Variants in SMYD3 observed in about 807,000 individuals in gnomAD.
SMYD3 encodes SET and MYND domain containing 3.
In SMYD3, 36 loss-of-function variants were observed where a neutral mutation model predicts 57.7. The ratio of observed to expected loss-of-function variants is 0.62; its 90% CI spans 0.48 to 0.82. The LOEUF is 0.82. SMYD3 is among the 40% of genes least tolerant of loss of function. SMYD3 has a pLI of 0.00. For synonymous variants in SMYD3, 211 were observed against 195.0 expected, an observed-to-expected ratio of 1.08 and a Z score of -0.68; for missense variants, 515 against 538.8, an observed-to-expected ratio of 0.96 and a Z score of 0.44.
intron 10 of SMYD3, among the ~76,000 whole-genome samples, chr1:245,831,946 T>C (rs1027539694): frequency 7.2e-5 from 11 of 152,216 alleles, no homozygotes; most frequent in Non-Finnish European, 4.4e-5. Flanking sequence ...AGAGTACAGT[T>C]TGTTTTTTCT....
chr1:246,071,932 T>G (rs2060456692), intron 5 of SMYD3, among the ~76,000 whole-genome samples: 1 of 140,084 alleles, frequency 7.1e-6, no homozygotes, highest in Non-Finnish European at 1.6e-5. Context: ...CTTTCCACTG[T>G]GCTCACTGTG....
chr1:246,166,513 G>C (rs2062215073), intron 5 of SMYD3, among the ~76,000 whole-genome samples: 1 of 152,128 alleles, frequency 6.6e-6, no homozygotes, highest in Non-Finnish European at 1.5e-5. Context: ...CTGAGTGTCT[G>C]CTAAATCAAC....
chr1:246,358,617 C>T (rs563032514), intron 1 of SMYD3, among the ~76,000 whole-genome samples: 11 of 152,274 alleles, frequency 7.2e-5, no homozygotes, highest in Non-Finnish European at 1.6e-4. Flanking sequence ...CAAGTACTCT[C>T]TCAGACCACA....
At chr1:246,172,619 G>C (rs1183663495) in intron 5 of SMYD3, among the ~76,000 whole-genome samples, 1 of 143,972 alleles carries the variant, frequency 6.9e-6, no homozygotes. Context: ...ACACACTTAG[G>C]CTACACAGGC....
chr1:246,237,689 G>A (rs1316020235), intron 5 of SMYD3, among the ~76,000 whole-genome samples: 1 of 152,176 alleles, frequency 6.6e-6, no homozygotes, highest in Non-Finnish European at 1.5e-5. Flanking sequence ...AAGCTGAAGT[G>A]AGAATAGCCT....
intron 1 of SMYD3, among the ~76,000 whole-genome samples, chr1:246,412,468 G>GA (rs1343788443): frequency 6.6e-6 from 1 of 151,300 alleles, no homozygotes; most frequent in Admixed American, 6.6e-5. Context: ...TTCAGCCATT[G>GA]AAAAAAATAG....
intron 2 of SMYD3, among the ~76,000 whole-genome samples, chr1:246,346,146 T>C (rs966329640): frequency 6.6e-6 from 1 of 152,072 alleles, no homozygotes; most frequent in Non-Finnish European, 1.5e-5. Context: ...TAGCCGGGCG[T>C]GGTGGCGGGC....
intron 5 of SMYD3, among the ~76,000 whole-genome samples, chr1:246,105,741 A>G (rs2061106383): frequency 6.6e-6 from 1 of 152,242 alleles, no homozygotes; most frequent in Non-Finnish European, 1.5e-5. Context: ...ACACACAGAG[A>G]AAAGAAATGC....
chr1:245,759,490 C>T (rs2045750946), intron 11 of SMYD3, among the ~76,000 whole-genome samples: 1 of 152,160 alleles, frequency 6.6e-6, no homozygotes, highest in African/African-American at 2.4e-5. Context: ...TAGTCAGTGG[C>T]CCTCATCAGA....
chr1:246,387,560 G>T (rs1047826684), intron 1 of SMYD3, among the ~76,000 whole-genome samples: 3 of 152,118 alleles, frequency 2.0e-5, no homozygotes, highest in Non-Finnish European at 2.9e-5. Context: ...TTACAGTCTA[G>T]CATAAGGACA....
At chr1:245,836,119 C>A (rs1464751827) in intron 10 of SMYD3, among the ~76,000 whole-genome samples, 1 of 152,116 alleles carries the variant, frequency 6.6e-6, no homozygotes. Flanking sequence ...TTGGCAAAAA[C>A]GAATCATTGG....
chr1:246,275,157 G>A (rs1489375401), intron 5 of SMYD3, among the ~76,000 whole-genome samples: 1 of 152,162 alleles, frequency 6.6e-6, no homozygotes, highest in African/African-American at 2.4e-5. Context: ...GCAAGAGCAG[G>A]GGCAGGCAAC....
intron 5 of SMYD3, among the ~76,000 whole-genome samples, chr1:246,288,983 C>T (rs1017667649): frequency 2.0e-5 from 3 of 151,908 alleles, no homozygotes; most frequent in Non-Finnish European, 2.9e-5. Flanking sequence ...GGTGTGGTGG[C>T]GGGCACCTGT....
At chr1:246,031,610 G>T (rs1016642066) in intron 5 of SMYD3, among the ~76,000 whole-genome samples, 1 of 151,962 alleles carries the variant, frequency 6.6e-6, no homozygotes, top group Non-Finnish European at 1.5e-5. Context: ...GGTGGCGGGC[G>T]CCTGTAGTCC....
chr1:245,823,512 T>C (rs2049300938), intron 10 of SMYD3, among the ~76,000 whole-genome samples: 1 of 152,186 alleles, frequency 6.6e-6, no homozygotes, highest in South Asian at 2.1e-4. Flanking sequence ...CCAAATGCAT[T>C]GTTCAGGCAA....
chr1:246,246,850 T>TATA (rs1012714141), intron 5 of SMYD3, among the ~76,000 whole-genome samples: 9 of 150,592 alleles, frequency 6.0e-5, no homozygotes, highest in African/African-American at 1.9e-4. Context: ...ATATACTATA[T>TATA]ATATATGTAA....
intron 5 of SMYD3, among the ~76,000 whole-genome samples, chr1:246,101,063 GGTTTTTTGTTTTTT>G (rs1322289176): frequency 6.5e-5 from 6 of 92,952 alleles, no homozygotes; most frequent in Non-Finnish European, 1.3e-4. Context: ...TATTTTTAGG[GGTTTTTTGTTTTTT>G]TTTTTTTTTT....
chr1:246,001,400 G>T (rs2059041737), intron 5 of SMYD3, among the ~76,000 whole-genome samples: 1 of 152,056 alleles, frequency 6.6e-6, no homozygotes, highest in Non-Finnish European at 1.5e-5. Context: ...AACCTTATAG[G>T]GTGCAGATGT....
chr1:246,491,536 G>A (rs1325286151), intron 1 of SMYD3, among the ~76,000 whole-genome samples: 2 of 139,632 alleles, frequency 1.4e-5, no homozygotes, highest in African/African-American at 2.8e-5. Flanking sequence ...GCGAAACTTC[G>A]TCTCAAATAA....
Sources: gnomAD v4.1 joint callset for allele counts (sites outside exome capture counted in the v4.1 genomes callset) on GRCh38, gnomAD v4.1.1 for gene constraint, MANE v1.5 for transcripts, NCBI Gene and HGNC (gene_info 2026-07-23, HGNC 2026-07-21) for gene names.